Variants in DPP10 observed in about 807,000 individuals in gnomAD.
DPP10 encodes dipeptidyl peptidase like 10, also known as inactive dipeptidyl peptidase 10.
DPP10 carries 33 observed loss-of-function variants against 120.9 expected under a neutral mutation model. The ratio of observed to expected loss-of-function variants is 0.27; its 90% confidence interval spans 0.21 to 0.37. The LOEUF (loss-of-function observed/expected upper bound fraction) is 0.37. DPP10 is among the 10% of genes least tolerant of loss of function. The pLI is 1.00. For missense variants in DPP10, 816 were observed against 942.8 expected, an observed-to-expected ratio of 0.87 and a Z score of 1.76; for synonymous variants, 337 against 326.1, an observed-to-expected ratio of 1.03 and a Z score of -0.36.
intron 1 of DPP10, among the ~76,000 whole-genome samples, chr2:114,850,598 G>A (rs1688876619): frequency 6.6e-6 from 1 of 151,908 alleles, no homozygotes; most frequent in African/African-American, 2.4e-5. Flanking sequence ...TTCAGATCCT[G>A]GAGATTAGGC....
intron 5 of DPP10, among the ~76,000 whole-genome samples, chr2:115,561,241 C>A (rs1450796580): frequency 6.6e-6 from 1 of 151,596 alleles, no homozygotes; most frequent in Non-Finnish European, 1.5e-5. Flanking sequence ...CACCTGTAAT[C>A]CCAGCTACTC....
At chr2:115,697,760 C>T (rs1008811807) in intron 7 of DPP10, among the ~76,000 whole-genome samples, 3 of 151,826 alleles carry the variant, frequency 2.0e-5, no homozygotes, top group African/African-American at 7.3e-5. Flanking sequence ...CTGAGGCGGG[C>T]GGATCACGAG....
intron 1 of DPP10, among the ~76,000 whole-genome samples, chr2:114,775,412 G>T (rs1681637829): frequency 6.6e-6 from 1 of 152,136 alleles, no homozygotes; most frequent in Non-Finnish European, 1.5e-5. Flanking sequence ...AGTATAGCTG[G>T]TGGGGGTAGA....
At chr2:114,487,393 T>C (rs756481748) in intron 1 of DPP10, among the ~76,000 whole-genome samples, 1 of 152,224 alleles carries the variant, frequency 6.6e-6, no homozygotes, top group African/African-American at 2.4e-5. Flanking sequence ...ATTTGTGTTA[T>C]AAATCTGGTG....
At chr2:114,975,397 A>G (rs1236685452) in intron 1 of DPP10, among the ~76,000 whole-genome samples, 1 of 152,064 alleles carries the variant, frequency 6.6e-6, no homozygotes, top group African/African-American at 2.4e-5. Flanking sequence ...TTAATGTTTT[A>G]CTCTTCTTTT....
chr2:115,478,877 A>G (rs780973307), intron 3 of DPP10, among the ~76,000 whole-genome samples: 4 of 152,198 alleles, frequency 2.6e-5, no homozygotes, highest in Non-Finnish European at 5.9e-5. Context: ...ACTATGATGC[A>G]TACTATCAGA....
intron 1 of DPP10, among the ~76,000 whole-genome samples, chr2:115,176,801 G>A (rs1045388625): frequency 6.6e-6 from 1 of 152,172 alleles, no homozygotes; most frequent in Admixed American, 6.5e-5. Context: ...TTGTAGGTAG[G>A]TGGCAGAACT....
intron 1 of DPP10, among the ~76,000 whole-genome samples, chr2:114,684,798 G>T (rs1180428642): frequency 6.6e-6 from 1 of 151,964 alleles, no homozygotes; most frequent in Admixed American, 6.6e-5. Flanking sequence ...TCCATTGTGA[G>T]ATACTGTACA....
chr2:115,657,244 A>G (rs1051896002), intron 5 of DPP10, among the ~76,000 whole-genome samples: 5 of 151,786 alleles, frequency 3.3e-5, no homozygotes, highest in African/African-American at 1.2e-4. Context: ...GCAGCCATAA[A>G]TTTTCTCAGA....
chr2:114,519,335 C>T (rs1305977003), intron 1 of DPP10, among the ~76,000 whole-genome samples: 1 of 152,284 alleles, frequency 6.6e-6, no homozygotes, highest in East Asian at 1.9e-4. Flanking sequence ...GAACTGTTTA[C>T]GAGACCTCAC....
At chr2:115,425,476 T>C (rs939659571) in intron 3 of DPP10, among the ~76,000 whole-genome samples, 1 of 152,192 alleles carries the variant, frequency 6.6e-6, no homozygotes, top group African/African-American at 2.4e-5. Flanking sequence ...TCTAGTAACC[T>C]AGCCTTCAAA....
At chr2:114,832,453 T>C (rs1277671588) in intron 1 of DPP10, among the ~76,000 whole-genome samples, 1 of 152,174 alleles carries the variant, frequency 6.6e-6, no homozygotes, top group Non-Finnish European at 1.5e-5. Context: ...GAGAAATGCT[T>C]GAATCCAAGA....
chr2:114,633,888 T>G (rs1201373527), intron 1 of DPP10, among the ~76,000 whole-genome samples: 2 of 151,872 alleles, frequency 1.3e-5, no homozygotes, highest in Non-Finnish European at 2.9e-5. Flanking sequence ...GTGCTAGGAT[T>G]ACAGTCATGA....
chr2:115,365,417 G>A (rs1302581760), intron 3 of DPP10, among the ~76,000 whole-genome samples: 2 of 151,822 alleles, frequency 1.3e-5, no homozygotes, highest in Non-Finnish European at 2.9e-5. Flanking sequence ...AGAACTAAAA[G>A]TAACTGCAGA....
At chr2:115,269,782 G>T (rs2105802218) in intron 1 of DPP10, among the ~76,000 whole-genome samples, 1 of 152,216 alleles carries the variant, frequency 6.6e-6, no homozygotes, top group African/African-American at 2.4e-5. Context: ...CACATTCAAG[G>T]AAAGAGGATT....
intron 1 of DPP10, among the ~76,000 whole-genome samples, chr2:115,019,704 C>T (rs1207038895): frequency 6.6e-6 from 1 of 152,166 alleles, no homozygotes; most frequent in Non-Finnish European, 1.5e-5. Flanking sequence ...ATCACCTAGG[C>T]ACATAGTCAT....
At chr2:115,415,958 C>A (rs1349762679) in intron 3 of DPP10, among the ~76,000 whole-genome samples, 1 of 148,384 alleles carries the variant, frequency 6.7e-6, no homozygotes, top group African/African-American at 2.5e-5. Flanking sequence ...ATGTAGTAAT[C>A]TAATTTTGGA....
Position 115,770,186 on chromosome 2 carries a change from A to G in DPP10, c.1221+1782A>G, listed in dbSNP as rs190832925. Among the ~76,000 whole-genome samples the G allele has an allele frequency of 2.0e-5, 3 of 152,206 alleles. No individual in the cohort carries two copies. The East Asian group carries it at 5.8e-4, about 29-fold the overall frequency. On this transcript the variant is annotated intron_variant, in intron 13 of 25. Transcript: ENST00000410059. Reference sequence around the variant, plus strand: ...TAAATAATAGAAATAATGTCTTTGTAAAAGTATGGCGTTGGGTAGGGTTGT... The same window carrying G: ...TAAATAATAGAAATAATGTCTTTGTGAAAGTATGGCGTTGGGTAGGGTTGT...
chr2:115,679,856 G>A (rs1373760246), intron 5 of DPP10, among the ~76,000 whole-genome samples: 1 of 151,940 alleles, frequency 6.6e-6, no homozygotes, highest in Non-Finnish European at 1.5e-5. Flanking sequence ...AGGAGTAAGA[G>A]AAGATAGAAA....
Sources: allele counts gnomAD v4.1 joint callset (sites outside exome capture counted in the v4.1 genomes callset), GRCh38; gene constraint gnomAD v4.1.1; transcripts MANE v1.5; gene names NCBI Gene and HGNC (gene_info 2026-07-23, HGNC 2026-07-21).